FAM107B: variants seen among roughly 807,000 people sequenced by gnomAD.
FAM107B encodes the protein protein FAM107B.
A neutral mutation model predicts 31.5 loss-of-function variants in FAM107B; 21 were observed. That is an observed-to-expected ratio of 0.67 (90% confidence interval 0.47 to 0.96). The LOEUF (loss-of-function observed/expected upper bound fraction) is 0.96. Ranked by LOEUF, FAM107B falls within the 40% of genes least tolerant of loss-of-function variation. The probability of loss-of-function intolerance (pLI) is 0.00; values close to 1 mark genes in which losing one functional copy is unlikely to be tolerated. For missense variants in FAM107B, 452 were observed against 377.1 expected, an observed-to-expected ratio of 1.20 and a Z score of -1.64; for synonymous variants, 157 against 141.5, an observed-to-expected ratio of 1.11 and a Z score of -0.78.
At chr10:14,610,246 G>A (rs1301470634) in intron 2 of FAM107B, among the ~76,000 whole-genome samples, 2 of 152,102 alleles carry the variant, frequency 1.3e-5, no homozygotes, top group Non-Finnish European at 2.9e-5. Flanking sequence ...GGGAGGCTGA[G>A]GCAGGAGAAT....
At chr10:14,682,783 C>T (rs905831007) in intron 1 of FAM107B, among the ~76,000 whole-genome samples, 1 of 151,822 alleles carries the variant, frequency 6.6e-6, no homozygotes, top group African/African-American at 2.4e-5. Flanking sequence ...GGAGAAATAC[C>T]TAATGTAGAT....
intron 2 of FAM107B, chr10:14,553,404 T>A: frequency 8.1e-7 from 1 of 1,235,770 alleles, no homozygotes; most frequent in South Asian, 1.3e-5. Flanking sequence ...AAAAAAAACA[T>A]AGTGAAAGTC....
At position 14,528,551 on chromosome 10, in the gene FAM107B, G is replaced by T. The variant is rs77268626; in HGVS notation, c.653+1781C>A. Among the ~76,000 whole-genome samples the T allele has an allele frequency of 7.5e-3, 1,143 of 152,140 alleles. 15 individuals carry two copies. The highest frequency in any genetic ancestry group is 0.026 in the African/African-American group (1,081 of 41,494). ...AGATGAAGAAACAGATCTCAAGAGG[G>T]GATACCTTGGCCAAGATCATAAGGT... is the stretch of plus-strand genomic sequence containing the variant. On this transcript the variant is annotated intron_variant, in intron 3 of 4. Coordinates refer to ENST00000181796, the MANE Select transcript of FAM107B (RefSeq NM_031453.4).
chr10:14,554,575 T>G (rs928482965), intron 2 of FAM107B, among the ~76,000 whole-genome samples: 2 of 152,120 alleles, frequency 1.3e-5, no homozygotes, highest in Non-Finnish European at 2.9e-5. Context: ...CTGGTACAAA[T>G]GAGAGGGGCA....
chr10:14,641,135 A>C (rs1250120343), intron 2 of FAM107B, among the ~76,000 whole-genome samples: 1 of 152,226 alleles, frequency 6.6e-6, no homozygotes, highest in African/African-American at 2.4e-5. Flanking sequence ...TAAATAGTAT[A>C]ATTGATCATC....
chr10:14,735,143 A>C (rs1856270141), intron 1 of FAM107B, among the ~76,000 whole-genome samples: 1 of 152,234 alleles, frequency 6.6e-6, no homozygotes, highest in African/African-American at 2.4e-5. Context: ...AGCAGAATTT[A>C]TTCCTCAAGA....
At chr10:14,767,103 G>GAC (rs1564295920) in intron 1 of FAM107B, among the ~76,000 whole-genome samples, 191 of 119,128 alleles carry the variant, frequency 1.6e-3, no homozygotes, top group African/African-American at 1.9e-3. Context: ...GAGAGAGACA[G>GAC]AGAGAGAGAG....
At chr10:14,709,965 A>G (rs1167435901) in intron 1 of FAM107B, among the ~76,000 whole-genome samples, 1 of 152,216 alleles carries the variant, frequency 6.6e-6, no homozygotes, top group Non-Finnish European at 1.5e-5. Context: ...GATTTTCAGG[A>G]CAGTGAAAGT....
chr10:14,697,999 C>A (rs186793812), intron 1 of FAM107B, among the ~76,000 whole-genome samples: 44 of 152,208 alleles, frequency 2.9e-4, no homozygotes, highest in South Asian at 1.2e-3. Flanking sequence ...GTGGCACGTG[C>A]CTGTAGTCCC....
intron 2 of FAM107B, among the ~76,000 whole-genome samples, chr10:14,666,651 C>T (rs1485261872): frequency 1.3e-5 from 2 of 152,132 alleles, no homozygotes; most frequent in African/African-American, 4.8e-5. Flanking sequence ...TGGGACAGGA[C>T]ATTTGAACTG....
At chr10:14,637,041 C>T (rs929673957) in intron 2 of FAM107B, among the ~76,000 whole-genome samples, 2 of 152,096 alleles carry the variant, frequency 1.3e-5, no homozygotes, top group Non-Finnish European at 2.9e-5. Flanking sequence ...AAATCCCAAA[C>T]CCATGCACTG....
chr10:14,677,953 ACT>A (rs1294897431), intron 1 of FAM107B, among the ~76,000 whole-genome samples: 1 of 152,080 alleles, frequency 6.6e-6, no homozygotes, highest in African/African-American at 2.4e-5. Flanking sequence ...CCATCATCAA[ACT>A]CTATTCTGTG....
chr10:14,584,751 G>A (rs1851770335), intron 2 of FAM107B, among the ~76,000 whole-genome samples: 1 of 152,276 alleles, frequency 6.6e-6, no homozygotes, highest in South Asian at 2.1e-4. Context: ...CCACACCTAT[G>A]TAACAAAAGG....
At chr10:14,618,813 G>A (rs904008010) in intron 2 of FAM107B, among the ~76,000 whole-genome samples, 4 of 152,002 alleles carry the variant, frequency 2.6e-5, no homozygotes, top group Non-Finnish European at 5.9e-5. Flanking sequence ...TACCAGCCTG[G>A]GCGACAGAGT....
At chr10:14,772,691 C>T (rs193050051) in intron 1 of FAM107B, among the ~76,000 whole-genome samples, 11 of 152,176 alleles carry the variant, frequency 7.2e-5, no homozygotes, top group East Asian at 1.9e-4. Context: ...CTCTCTGCTC[C>T]GGGCTTCCCA....
rs568783024 is a variant in FAM107B at position 14,721,016 on chromosome 10, G to A, written c.411+53237C>T. On this transcript the variant is annotated intron_variant, in intron 1 of 4. Coordinates refer to ENST00000181796, the MANE Select transcript of FAM107B (RefSeq NM_031453.4). Reference sequence around the variant, plus strand: ...CCCAGGCCCCCACCCCATGACAGGCGCCAGTGTGTGACGTTCCCCGCCCCG... The same window carrying A: ...CCCAGGCCCCCACCCCATGACAGGCACCAGTGTGTGACGTTCCCCGCCCCG... Among the ~76,000 whole-genome samples the A allele has an allele frequency of 8.3e-4, 126 of 151,360 alleles. 1 individual carries two copies. Among genetic ancestry groups the A allele is most frequent in the South Asian group, 1.5e-3 (7 of 4,776 alleles).
At chr10:14,762,781 C>T (rs1346603364) in intron 1 of FAM107B, among the ~76,000 whole-genome samples, 2 of 150,890 alleles carry the variant, frequency 1.3e-5, no homozygotes, top group African/African-American at 4.9e-5. Flanking sequence ...CACACACACA[C>T]ACACACACAC....
At chr10:14,586,234 G>T (rs1323373681) in intron 2 of FAM107B, among the ~76,000 whole-genome samples, 1 of 151,684 alleles carries the variant, frequency 6.6e-6, no homozygotes, top group African/African-American at 2.4e-5. Context: ...TCCATCCCAG[G>T]CCACTGAAAA....
intron 2 of FAM107B, among the ~76,000 whole-genome samples, chr10:14,636,348 G>T (rs1588674281): frequency 6.6e-6 from 1 of 150,756 alleles, no homozygotes; most frequent in Non-Finnish European, 1.5e-5. Flanking sequence ...AGAGAGAAAT[G>T]TCTACTTCTA....
Sources: gnomAD v4.1 joint callset for allele counts (sites outside exome capture counted in the v4.1 genomes callset) on GRCh38, gnomAD v4.1.1 for gene constraint, MANE v1.5 for transcripts, NCBI Gene and HGNC (gene_info 2026-07-23, HGNC 2026-07-21) for gene names.